RBM33: variants seen among roughly 807,000 people sequenced by gnomAD.
RBM33 encodes the protein RNA binding motif protein 33.
A neutral mutation model predicts 132.6 loss-of-function variants in RBM33; 28 were observed. That is an observed-to-expected ratio of 0.21 (90% CI 0.16 to 0.29). The LOEUF is 0.29. RBM33 is among the 10% of genes least tolerant of loss of function. The pLI, the probability that RBM33 is intolerant of heterozygous loss-of-function variation, is 1.00. For missense variants in RBM33, 1,291 were observed against 1,518.5 expected (o/e 0.85, Z 2.49); for synonymous variants, 634 against 593.0 (o/e 1.07, Z -1.01).
chr7:155,748,575 T>C (rs1024066040), intron 14 of RBM33, among the ~76,000 whole-genome samples: 1 of 152,234 alleles, frequency 6.6e-6, no homozygotes. Flanking sequence ...TTCTATATTT[T>C]CCATATGTCA....
chr7:155,738,633 CTTA>C (rs1158572283), intron 11 of RBM33: 12 of 553,490 alleles, frequency 2.2e-5, no homozygotes, highest in East Asian at 1.8e-4. Context: ...AAAAATGCTA[CTTA>C]TTATAATTGT....
rs1802715643 is a variant in RBM33 at position 155,778,961 on chromosome 7, G to A, written c.*3920G>A. ...TAGAAACTCTCTAGTCCCTGCGGCT[G>A]TTCCCCTCCTCTGCTCTCTCCCTGG... is the stretch of plus-strand genomic sequence containing the variant. On this transcript the variant is annotated 3_prime_UTR_variant, in exon 18 of 18. Transcript: ENST00000401878. The surrounding 1 kb of genome is among the most constrained non-coding windows in gnomAD (Gnocchi z 4.0). 2.0e-5 allele frequency: 3 copies of A among 152,608 alleles called. No individual in the cohort carries two copies. The highest frequency in any genetic ancestry group is 2.1e-4 in the South Asian group (1 of 4,830). The allele number at this position is 152,608 out of a possible 1,614,324, so 9.5% of individuals were successfully genotyped here. A position where few individuals can be genotyped will look rare whatever the true frequency, so the allele number is the denominator to read the frequency against.
At chr7:155,674,684 T>G (rs1262037473) in intron 3 of RBM33, among the ~76,000 whole-genome samples, 1 of 152,190 alleles carries the variant, frequency 6.6e-6, no homozygotes, top group African/African-American at 2.4e-5. Context: ...CTGGGGGAAG[T>G]CATCTTACTT....
chr7:155,734,219 G>A (rs978949608), intron 9 of RBM33, among the ~76,000 whole-genome samples: 1 of 152,204 alleles, frequency 6.6e-6, no homozygotes, highest in Non-Finnish European at 1.5e-5. Flanking sequence ...CCCGGCAGGC[G>A]GTGCTCCTCC....
chr7:155,773,566 T>C (rs1802503166), intron 16 of RBM33, among the ~76,000 whole-genome samples: 1 of 50,104 alleles, frequency 2.0e-5, no homozygotes, highest in South Asian at 8.8e-4. Context: ...AGACTCCATC[T>C]CCAAAAAAAA....
intron 14 of RBM33, among the ~76,000 whole-genome samples, chr7:155,761,576 T>C (rs1802038120): frequency 6.6e-6 from 1 of 152,262 alleles, no homozygotes; most frequent in African/African-American, 2.4e-5. Context: ...AGTGTGTTGA[T>C]GTAAAGTTGC....
intron 14 of RBM33, among the ~76,000 whole-genome samples, chr7:155,757,171 A>G (rs1261434030): frequency 1.3e-5 from 2 of 152,182 alleles, no homozygotes; most frequent in African/African-American, 2.4e-5. Flanking sequence ...CGAAGAGTCA[A>G]TGGGAGAATT....
At chr7:155,690,220 T>C (rs979568232) in intron 5 of RBM33, among the ~76,000 whole-genome samples, 2 of 152,232 alleles carry the variant, frequency 1.3e-5, no homozygotes, top group Non-Finnish European at 2.9e-5. Flanking sequence ...TTTACCATTA[T>C]GTAATGCCCT....
In RBM33 at chr7:155,778,711, A is replaced by G. The variant is rs576550908; in HGVS notation, c.*3670A>G. The G allele has an allele frequency of 6.6e-6, 1 of 152,198 alleles. No individual in the cohort carries two copies. Among genetic ancestry groups the G allele is most frequent in the Non-Finnish European group, 1.5e-5 (1 of 68,110 alleles). 9.4% of individuals were successfully genotyped at this position (152,198 alleles called of 1,614,324 possible). On this transcript the variant is annotated 3_prime_UTR_variant, in exon 18 of 18. Transcript: ENST00000401878. This position sits in a 1 kb window ranked among gnomAD's most constrained non-coding sequence, Gnocchi z 4.0. ...GGAGCCTTGTCCTGGGATGGGTTTG[A>G]AGAACTCATCACTCATCACTTGTTT...
Position 155,673,478 on chromosome 7 carries a change from G to A in RBM33, c.171+563G>A, listed in dbSNP as rs1171096782. On this transcript the variant is annotated intron_variant, in intron 3 of 17. Transcript: ENST00000401878. ...TACCCACATATATATATACATACAC[G>A]TGTGTATATATATACACACATATAT... 8.8e-4 allele frequency among the ~76,000 whole-genome samples: 115 copies of A among 130,114 alleles called. 1 individual carries two copies. Among genetic ancestry groups the A allele is most frequent in the Middle Eastern group, 3.8e-3 (1 of 262 alleles). 85.4% of individuals were successfully genotyped at this position (130,114 alleles called of 152,430 possible). A position where few individuals can be genotyped will look rare whatever the true frequency, so the allele number is the denominator to read the frequency against.
Position 155,644,820 on chromosome 7 carries a change from C to T in RBM33, c.-57C>T. On this transcript the variant is annotated 5_prime_UTR_variant, in exon 1 of 18. It adds an upstream start codon to the 5' untranslated region. Transcript: ENST00000401878. ...CCCGTACCCGGGCCCGGACCAGGCA[C>T]GTCGGCCCACCAGCTGGCTTGGTGG... 1.4e-6 allele frequency: 2 copies of T among 1,405,040 alleles called. No homozygotes were observed. Among genetic ancestry groups the T allele is most frequent in the Non-Finnish European group, 1.9e-6 (2 of 1,065,962 alleles). 87.0% of individuals were successfully genotyped at this position (1,405,040 alleles called of 1,614,324 possible).
chr7:155,673,599 C>CGTGTATATATATACACACAT (rs1563137590), intron 3 of RBM33, among the ~76,000 whole-genome samples: 9 of 82,004 alleles, frequency 1.1e-4, no homozygotes, highest in African/African-American at 2.3e-4. Context: ...TATATACACA[C>CGTGTATATATATACACACAT]ATATACATAC....
intron 9 of RBM33, among the ~76,000 whole-genome samples, chr7:155,721,349 G>T (rs1006040466): frequency 6.6e-6 from 1 of 152,084 alleles, no homozygotes; most frequent in African/African-American, 2.4e-5. Context: ...TTAATATAGA[G>T]TGACCTTACT....
intron 9 of RBM33, among the ~76,000 whole-genome samples, chr7:155,720,005 G>A (rs994873573): frequency 5.3e-5 from 8 of 152,124 alleles, no homozygotes; most frequent in Admixed American, 4.6e-4. Context: ...ATACTTTGCC[G>A]CTATTAGAAG....
Position 155,775,052 on chromosome 7 carries a change from G to A in RBM33, c.*11G>A. ...CTGATCGTGGAGTGAGTCCTAACAA[G>A]AGAGCCTGACCTTAGGCTGTACACA... On this transcript the variant is annotated 3_prime_UTR_variant, in exon 18 of 18. Transcript: ENST00000401878. 6.2e-7 allele frequency: 1 copy of A among 1,611,552 alleles called. No homozygotes were observed. Among genetic ancestry groups the A allele is most frequent in the Non-Finnish European group, 8.5e-7 (1 of 1,177,714 alleles).
rs774457400 is a variant in RBM33 at position 155,776,079 on chromosome 7, C to T, written c.*1038C>T. 3.9e-5 allele frequency: 6 copies of T among 152,348 alleles called. No homozygotes were observed. Among genetic ancestry groups the T allele is most frequent in the East Asian group, 3.9e-4 (2 of 5,194 alleles). 9.4% of individuals were successfully genotyped at this position (152,348 alleles called of 1,614,324 possible). On this transcript the variant is annotated 3_prime_UTR_variant, in exon 18 of 18. Coordinates refer to ENST00000401878, the MANE Select transcript of RBM33 (RefSeq NM_053043.3). The surrounding 1 kb of genome is among the most constrained non-coding windows in gnomAD (Gnocchi z 4.0). ...GGCTTTCTTCCAGCCCCAAATGAGA[C>T]GAGTCTGTGTCATCATTGAAACTGC...
Position 155,700,801 on chromosome 7 carries a change from A to G in RBM33, c.596A>G (p.Lys199Arg). ...GGTATGGAAACATTGGAACTTCAAAAGGACATCAAAGAAGAATCAGATGAA... is the reference window on the plus strand; with the variant it reads ...GGTATGGAAACATTGGAACTTCAAAGGGACATCAAAGAAGAATCAGATGAA... ...TGGMETLELQ[K>R]DIKEESDEEE... is the part of the protein sequence containing the mutation. The change falls in exon 6 of 18, where the codon AAG becomes AGG. Residue 199 changes from lysine (K) to arginine (R), a missense_variant. This residue lies in a region of RBM33 where 194 missense variants were observed against 249.8 expected (regional missense o/e 0.78). Transcript: ENST00000401878. The G allele has an allele frequency of 6.3e-7, 1 of 1,578,142 alleles. No homozygotes were observed.
At chr7:155,736,841 G>A (rs887314670) in intron 9 of RBM33, among the ~76,000 whole-genome samples, 8 of 152,154 alleles carry the variant, frequency 5.3e-5, no homozygotes, top group African/African-American at 1.9e-4. Flanking sequence ...GCCAATAATT[G>A]CATGGATTTC....
intron 5 of RBM33, among the ~76,000 whole-genome samples, chr7:155,696,454 A>G (rs1799797181): frequency 6.6e-6 from 1 of 152,212 alleles, no homozygotes; most frequent in African/African-American, 2.4e-5. Context: ...CTCTGTGACT[A>G]GAAACATTCA....
Sources: allele counts gnomAD v4.1 joint callset (sites outside exome capture counted in the v4.1 genomes callset), GRCh38; gene constraint gnomAD v4.1.1; regional missense constraint gnomAD v4.1.1; non-coding constraint Gnocchi (gnomAD v3.1); transcripts MANE v1.5; gene names NCBI Gene and HGNC (gene_info 2026-07-23, HGNC 2026-07-21).